GNG4: variants seen among roughly 807,000 people sequenced by gnomAD.
GNG4 encodes the protein G protein subunit gamma 4.
A neutral mutation model predicts 5.8 loss-of-function variants in GNG4; 4 were observed. That is an observed-to-expected ratio of 0.69 (90% CI 0.34 to 1.57). GNG4 has a LOEUF of 1.57. Among genes scored for constraint, GNG4 ranks in the 40% most tolerant of loss-of-function variants. The probability of loss-of-function intolerance (pLI) is 0.06; values close to 1 mark genes in which losing one functional copy is unlikely to be tolerated. For synonymous variants in GNG4, 29 were observed against 32.9 expected, an observed-to-expected ratio of 0.88 and a Z score of 0.41; for missense variants, 96 against 95.1, an observed-to-expected ratio of 1.01 and a Z score of -0.04.
chr1:235,584,884 G>GT (rs1439776096), intron 2 of GNG4, among the ~76,000 whole-genome samples: 1 of 152,116 alleles, frequency 6.6e-6, no homozygotes, highest in Non-Finnish European at 1.5e-5. Context: ...TCAGTTTTAG[G>GT]TTTTTTTCCC....
intron 3 of GNG4, among the ~76,000 whole-genome samples, chr1:235,562,702 G>A (rs1002255907): frequency 6.7e-6 from 1 of 148,606 alleles, no homozygotes; most frequent in Non-Finnish European, 1.5e-5. Flanking sequence ...AATTTGCTGG[G>A]ATTCTGATTG....
chr1:235,640,687 A>C (rs1189522095), intron 1 of GNG4, among the ~76,000 whole-genome samples: 1 of 152,138 alleles, frequency 6.6e-6, no homozygotes, highest in East Asian at 1.9e-4. Flanking sequence ...CGGCCTCTCT[A>C]CTTCATTTAG....
intron 2 of GNG4, among the ~76,000 whole-genome samples, chr1:235,592,917 G>A (rs73120717): frequency 0.029 from 4,334 of 150,888 alleles, 204 homozygotes; most frequent in African/African-American, 0.099. Flanking sequence ...TTACCACGCT[G>A]GGCAAGCAGA....
At chr1:235,570,933 C>CACACACAT (rs1265314805) in intron 3 of GNG4, among the ~76,000 whole-genome samples, 17 of 138,920 alleles carry the variant, frequency 1.2e-4, no homozygotes, top group African/African-American at 4.7e-4. Context: ...TACACACACA[C>CACACACAT]ACACACACAC....
At chr1:235,607,192 C>T (rs2102966212) in intron 1 of GNG4, among the ~76,000 whole-genome samples, 1 of 152,212 alleles carries the variant, frequency 6.6e-6, no homozygotes, top group Non-Finnish European at 1.5e-5. Context: ...AATGATCCCC[C>T]CGCCTTGGCC....
At chr1:235,599,191 C>T (rs1688194097) in intron 1 of GNG4, among the ~76,000 whole-genome samples, 1 of 152,210 alleles carries the variant, frequency 6.6e-6, no homozygotes. Flanking sequence ...CTGCTACTCA[C>T]AGCCTGGTGG....
At position 235,551,002 on chromosome 1, in the gene GNG4, T is replaced by A. The variant is rs1686730262; in HGVS notation, c.*1107A>T. ...GTGCTGTGTCCAGAACAGGTCCTTA[T>A]ATTACTGCAGCCCACAATGGAACTA... On this transcript the variant is annotated 3_prime_UTR_variant, in exon 4 of 4. Transcript: ENST00000391854. 1 of 152,150 alleles carries A rather than the reference T, an allele frequency of 6.6e-6. No individual in the cohort carries two copies. Among genetic ancestry groups the A allele is most frequent in the African/African-American group, 2.4e-5 (1 of 41,400 alleles). 9.4% of individuals were successfully genotyped at this position (152,150 alleles called of 1,614,324 possible). A position where few individuals can be genotyped will look rare whatever the true frequency, so the allele number is the denominator to read the frequency against.
At chr1:235,614,041 GA>G (rs1363365506) in intron 1 of GNG4, among the ~76,000 whole-genome samples, 5 of 152,182 alleles carry the variant, frequency 3.3e-5, no homozygotes, top group African/African-American at 1.2e-4. Flanking sequence ...TCAAAATCCT[GA>G]GCTCAAGTGA....
intron 1 of GNG4, among the ~76,000 whole-genome samples, chr1:235,622,901 G>C (rs966366615): frequency 8.8e-6 from 1 of 113,338 alleles, no homozygotes; most frequent in Non-Finnish European, 1.7e-5. Context: ...ATAGCCAGGC[G>C]TGATGGTGCA....
At chr1:235,562,076 T>C (rs1467293405) in intron 3 of GNG4, among the ~76,000 whole-genome samples, 2 of 152,244 alleles carry the variant, frequency 1.3e-5, no homozygotes, top group African/African-American at 2.4e-5. Context: ...CTTTGCTTCA[T>C]GGTATTGGCT....
At chr1:235,612,799 A>G (rs1255913312) in intron 1 of GNG4, among the ~76,000 whole-genome samples, 1 of 152,206 alleles carries the variant, frequency 6.6e-6, no homozygotes, top group African/African-American at 2.4e-5. Flanking sequence ...CTGGGATCAC[A>G]GGCATGAGCC....
At chr1:235,604,192 T>C (rs1165709975) in intron 1 of GNG4, among the ~76,000 whole-genome samples, 1 of 152,224 alleles carries the variant, frequency 6.6e-6, no homozygotes, top group Non-Finnish European at 1.5e-5. Flanking sequence ...CCGGCACGTA[T>C]GGAGGAACAC....
chr1:235,596,566 T>C (rs979484034), intron 1 of GNG4, among the ~76,000 whole-genome samples: 1 of 152,142 alleles, frequency 6.6e-6, no homozygotes, highest in Non-Finnish European at 1.5e-5. Context: ...CAGATAAAGA[T>C]AATTACAACA....
chr1:235,626,027 T>A (rs1221299647), intron 1 of GNG4, among the ~76,000 whole-genome samples: 1 of 152,254 alleles, frequency 6.6e-6, no homozygotes, highest in Non-Finnish European at 1.5e-5. Flanking sequence ...CCAAAGTGGC[T>A]GTTGCATTTT....
At chr1:235,596,217 C>A (rs866319544) in intron 1 of GNG4, among the ~76,000 whole-genome samples, 19,612 of 144,204 alleles carry the variant, frequency 0.14, 1,832 homozygotes, top group Non-Finnish European at 0.21. Flanking sequence ...AATACACACA[C>A]ACACACACAC....
chr1:235,601,360 G>A (rs960235101), intron 1 of GNG4, among the ~76,000 whole-genome samples: 8 of 152,182 alleles, frequency 5.3e-5, no homozygotes, highest in African/African-American at 1.9e-4. Flanking sequence ...GGTGAGGGGC[G>A]CCATGGACTG....
At chr1:235,624,644 T>G (rs1688774636) in intron 1 of GNG4, among the ~76,000 whole-genome samples, 2 of 151,624 alleles carry the variant, frequency 1.3e-5, no homozygotes, top group African/African-American at 4.9e-5. Context: ...TTAACTTTGT[T>G]AAAAAACAGG....
intron 2 of GNG4, among the ~76,000 whole-genome samples, chr1:235,587,485 GA>G (rs1480821634): frequency 5.2e-5 from 2 of 38,268 alleles, no homozygotes; most frequent in Admixed American, 2.5e-4. Context: ...TGAGAGTGTG[GA>G]TGGGGGGTGG....
chr1:235,554,677 CTACAAAAAA>C (rs1298592350), intron 3 of GNG4, among the ~76,000 whole-genome samples: 3 of 151,994 alleles, frequency 2.0e-5, no homozygotes, highest in South Asian at 2.1e-4. Flanking sequence ...AACCCCGTCT[CTACAAAAAA>C]TACAAAAAAT....
Sources: allele counts gnomAD v4.1 joint callset (sites outside exome capture counted in the v4.1 genomes callset), GRCh38; gene constraint gnomAD v4.1.1; transcripts MANE v1.5; gene names NCBI Gene and HGNC (gene_info 2026-07-23, HGNC 2026-07-21).